Variants in GPR89B observed in about 807,000 individuals in gnomAD.
GPR89B encodes G protein-coupled receptor 89B.
GPR89B carries 25 observed loss-of-function variants against 52.4 expected under a neutral mutation model. The observed-to-expected ratio is 0.48, with a 90% confidence interval of 0.35 to 0.67. The LOEUF (loss-of-function observed/expected upper bound fraction) is 0.67, where lower values mean the gene tolerates loss of function less well. GPR89B is among the 30% of genes least tolerant of loss of function. The pLI is 0.01. For missense variants in GPR89B, 146 were observed against 450.2 expected (o/e 0.32, Z 6.11); for synonymous variants, 52 against 151.2 (o/e 0.34, Z 4.81).
chr1:148,021,318 T>G, the GPR89B span, among the ~76,000 whole-genome samples: 1 of 151,414 alleles, frequency 6.6e-6, no homozygotes, highest in Admixed American at 6.6e-5. Context: ...CTGGCTAACA[T>G]GGTGAAACCC....
At chr1:148,006,718 CT>C in the GPR89B span, among the ~76,000 whole-genome samples, 4,747 of 142,404 alleles carry the variant, frequency 0.033, 172 homozygotes, top group African/African-American at 0.1. Flanking sequence ...ACTTTACAGC[CT>C]TTTTTTTTTT....
intron 7 of GPR89B, among the ~76,000 whole-genome samples, chr1:147,956,621 G>A (rs1192642194): frequency 2.0e-5 from 3 of 151,930 alleles, no homozygotes; most frequent in African/African-American, 2.4e-5. Flanking sequence ...CCTGGACACT[G>A]AAAACTATAC....
the GPR89B span, among the ~76,000 whole-genome samples, chr1:148,000,164 T>G: frequency 1.3e-5 from 2 of 151,850 alleles, no homozygotes; most frequent in African/African-American, 2.4e-5. Flanking sequence ...TTCTTTAGTT[T>G]TCATTCTTTC....
intron 5 of GPR89B, among the ~76,000 whole-genome samples, chr1:147,950,413 T>G (rs1282548973): frequency 4.5e-5 from 6 of 132,276 alleles, no homozygotes; most frequent in East Asian, 4.6e-4. Context: ...TCCTAGATGG[T>G]ATGGCGGCCG....
chr1:148,017,429 C>T, the GPR89B span, among the ~76,000 whole-genome samples: 1 of 150,714 alleles, frequency 6.6e-6, no homozygotes, highest in Non-Finnish European at 1.5e-5. Context: ...TTTTGGAAAC[C>T]ATTCACATTT....
Position 147,932,281 on chromosome 1 carries a change from T to G in GPR89B, c.42+3703T>G, listed in dbSNP as rs368717373. On this transcript the variant is annotated intron_variant, in intron 1 of 13. Transcript: ENST00000314163. ...TCTCCTAATCTGTTTGACCCTTTCCTTTTCTGCTTGATCTAGATGCTTGGA... is the reference window on the plus strand; with the variant it reads ...TCTCCTAATCTGTTTGACCCTTTCCGTTTCTGCTTGATCTAGATGCTTGGA... Among the ~76,000 whole-genome samples, 601 of 152,144 alleles carry G rather than the reference T, an allele frequency of 4.0e-3. 4 individuals are homozygous for G. The highest frequency in any genetic ancestry group is 0.014 in the African/African-American group (567 of 41,474).
At chr1:147,929,934 C>T (rs192778042) in intron 1 of GPR89B, among the ~76,000 whole-genome samples, 17 of 152,234 alleles carry the variant, frequency 1.1e-4, no homozygotes, top group Admixed American at 7.8e-4. Flanking sequence ...CTACCCAGTG[C>T]CCTTGGTGAC....
chr1:147,977,532 G>A (rs1343507099), intron 10 of GPR89B, among the ~76,000 whole-genome samples: 7 of 151,942 alleles, frequency 4.6e-5, no homozygotes, highest in African/African-American at 1.7e-4. Flanking sequence ...GGCCTGTCTT[G>A]CTAGGTTGGG....
At chr1:148,022,779 CTAGT>C in the GPR89B span, among the ~76,000 whole-genome samples, 1 of 138,384 alleles carries the variant, frequency 7.2e-6, no homozygotes, top group Non-Finnish European at 1.5e-5. Context: ...GATTTCTGCT[CTAGT>C]GTTTATTGTT....
At chr1:148,002,692 C>T in the GPR89B span, among the ~76,000 whole-genome samples, 1 of 152,108 alleles carries the variant, frequency 6.6e-6, no homozygotes, top group African/African-American at 2.4e-5. Context: ...GTCTGATAAG[C>T]CAAGTTCAAA....
chr1:147,929,301 C>T (rs1363496033), intron 1 of GPR89B, among the ~76,000 whole-genome samples: 1 of 151,014 alleles, frequency 6.6e-6, no homozygotes, highest in Admixed American at 6.6e-5. Flanking sequence ...ATAGAAGTTT[C>T]GTCTAGTTAG....
intron 5 of GPR89B, among the ~76,000 whole-genome samples, chr1:147,951,200 C>G (rs1174436231): frequency 1.3e-5 from 2 of 151,196 alleles, no homozygotes; most frequent in Admixed American, 1.3e-4. Flanking sequence ...CCTCTCTGTG[C>G]CTCCATTTCT....
chr1:147,978,292 T>A (rs1468092594), intron 10 of GPR89B, among the ~76,000 whole-genome samples: 1 of 151,946 alleles, frequency 6.6e-6, no homozygotes, highest in East Asian at 1.9e-4. Context: ...CATACCCTAC[T>A]CGCCTGGGTC....
intron 5 of GPR89B, among the ~76,000 whole-genome samples, chr1:147,950,338 C>T (rs1382371770): frequency 6.0e-5 from 9 of 150,554 alleles, no homozygotes; most frequent in East Asian, 6.0e-4. Context: ...AGACGATGGG[C>T]GGCCGGGCAG....
At position 147,969,876 on chromosome 1, in the gene GPR89B, G is replaced by A; in HGVS notation, c.826G>A (p.Glu276Lys). The stretch of plus-strand genomic sequence containing the variant: ...GTTTGTTTTCCCCCAGGAGAGAATA[G>A]AATACTCCAAAACCTTCAAGGGGAA... Reference protein sequence around the residue: ...ADLYATKERIEYSKTFKGKYF... With the variant: ...ADLYATKERIKYSKTFKGKYF... The change falls in exon 10 of 14, where the codon GAA becomes AAA. Residue 276 changes from glutamate (E) to lysine (K), a missense_variant. By Grantham distance (56) the Glu-to-Lys change is moderately conservative (BLOSUM62 1). Coordinates refer to ENST00000314163, the MANE Select transcript of GPR89B (RefSeq NM_016334.5). 1 of 1,478,640 alleles carries A rather than the reference G, an allele frequency of 6.8e-7. No individual in the cohort carries two copies. Among genetic ancestry groups the A allele is most frequent in the Non-Finnish European group, 9.1e-7 (1 of 1,101,842 alleles). The allele number at this position is 1,478,640 out of a possible 1,614,324, so 91.6% of individuals were successfully genotyped here.
At position 147,977,563 on chromosome 1, in the gene GPR89B, C is replaced by T. The variant is rs1451047895; in HGVS notation, c.909+7604C>T. ...TTGGGGAAGTTCTCCTGGATGATATCCTGAAGTATGTTTTCCAACTTGAAA... is the reference window on the plus strand; with the variant it reads ...TTGGGGAAGTTCTCCTGGATGATATTCTGAAGTATGTTTTCCAACTTGAAA... On this transcript the variant is annotated intron_variant, in intron 10 of 13. Coordinates refer to ENST00000314163, the MANE Select transcript of GPR89B (RefSeq NM_016334.5). 2.4e-3 allele frequency among the ~76,000 whole-genome samples: 363 copies of T among 151,838 alleles called. 3 individuals are homozygous for T. The highest frequency in any genetic ancestry group is 8.3e-3 in the African/African-American group (344 of 41,226).
intron 2 of GPR89B, among the ~76,000 whole-genome samples, chr1:147,938,088 G>T (rs1410816348): frequency 6.6e-6 from 1 of 151,880 alleles, no homozygotes; most frequent in South Asian, 2.1e-4. Context: ...CCTCCATTCG[G>T]GGTCCCTGAC....
At chr1:147,949,030 A>T (rs1199160691) in intron 5 of GPR89B, among the ~76,000 whole-genome samples, 1 of 152,094 alleles carries the variant, frequency 6.6e-6, no homozygotes, top group Non-Finnish European at 1.5e-5. Flanking sequence ...TAATCCATTT[A>T]ACCCTGAGTG....
At chr1:147,940,196 G>A (rs1182856073) in intron 3 of GPR89B, among the ~76,000 whole-genome samples, 2 of 151,958 alleles carry the variant, frequency 1.3e-5, no homozygotes, top group South Asian at 2.1e-4. Context: ...GAGGTCAGGA[G>A]ATCAAGACCA....
Sources: allele counts gnomAD v4.1 joint callset (sites outside exome capture counted in the v4.1 genomes callset), GRCh38; gene constraint gnomAD v4.1.1; transcripts MANE v1.5; gene names NCBI Gene and HGNC (gene_info 2026-07-23, HGNC 2026-07-21).